The following SCGN variants were observed in gnomAD, a reference collection of about 807,000 sequenced individuals.
SCGN encodes secretagogin, EF-hand calcium binding protein, also known as secretagogin.
A neutral mutation model predicts 39.7 loss-of-function variants in SCGN; 30 were observed. The observed-to-expected ratio is 0.76, with a 90% CI of 0.57 to 1.03. SCGN has a LOEUF of 1.03. Among genes scored for constraint, SCGN ranks in the 50% least tolerant of loss-of-function variants. The pLI is 0.00. For missense variants in SCGN, 353 were observed against 349.4 expected (o/e 1.01, Z -0.08); for synonymous variants, 106 against 114.1 (o/e 0.93, Z 0.45).
chr6:25,673,594 G>A (rs1163359208), intron 6 of SCGN, among the ~76,000 whole-genome samples: 1 of 152,190 alleles, frequency 6.6e-6, no homozygotes, highest in Admixed American at 6.5e-5. Context: ...CAATGTTTAA[G>A]TATCTAGGTT....
chr6:25,686,066 T>C (rs904289346), intron 7 of SCGN, among the ~76,000 whole-genome samples: 1 of 152,232 alleles, frequency 6.6e-6, no homozygotes, highest in South Asian at 2.1e-4. Flanking sequence ...GTTGTAACTT[T>C]ATCCCTTTTT....
intron 6 of SCGN, among the ~76,000 whole-genome samples, chr6:25,675,849 G>A (rs1759557331): frequency 6.6e-6 from 1 of 152,158 alleles, no homozygotes; most frequent in Non-Finnish European, 1.5e-5. Context: ...ATCTCAACTA[G>A]TCTCACGGTT....
rs750339630 is a variant in SCGN, at chr6:25,661,637, T to C, written c.239T>C (p.Met80Thr). 6 of 1,609,486 alleles carry C rather than the reference T, an allele frequency of 3.7e-6. No individual in the cohort carries two copies. In the South Asian group the frequency reaches 6.6e-5, roughly 18 times the overall value. Residue 80 changes from methionine (M) to threonine (T), a missense_variant, in exon 3 of 11, where the codon ATG (methionine) becomes ACG (threonine). By Grantham distance (81) the Met-to-Thr change is moderately conservative. Transcript: ENST00000377961. Reference protein sequence around the residue: ...QDASKDGRIRMKELAGMFLSE... With the variant: ...QDASKDGRIRTKELAGMFLSE... ...GCCTCTAAAGATGGTCGCATTCGGA[T>C]GAAAGAGGTAACTTTACTGACAGTA...
At chr6:25,658,142 C>G (rs1227272529) in intron 2 of SCGN, among the ~76,000 whole-genome samples, 4 of 147,046 alleles carry the variant, frequency 2.7e-5, no homozygotes, top group African/African-American at 1.0e-4. Context: ...CGGGTTCAAG[C>G]TATTCTCCTG....
Position 25,669,537 on chromosome 6 carries a change from C to T in SCGN, c.363C>T (p.Ser121=). The stretch of plus-strand genomic sequence containing the variant: ...TTTGGCGCAAATATGACGCTGACAG[C>T]AGTGGCTTTATATCAGCTGCTGAGC... ...MQIWRKYDAD[S]SGFISAAELR... The change falls in exon 5 of 11, where the codon AGC becomes AGT. Residue 121 remains serine (S), a synonymous_variant. Transcript: ENST00000377961. 3 of 1,613,604 alleles carry T rather than the reference C, an allele frequency of 1.9e-6. No homozygotes were observed. Among genetic ancestry groups the T allele is most frequent in the Non-Finnish European group, 1.7e-6 (2 of 1,179,566 alleles).
At chr6:25,691,184 T>C in intron 10 of SCGN, 60 bp downstream of exon 10, 3 of 1,268,958 alleles carry the variant, frequency 2.4e-6, no homozygotes, top group Non-Finnish European at 3.4e-6. Context: ...TTCCATTGTT[T>C]ATTTGTGGGA....
At chr6:25,667,580 A>C (rs1441754488) in intron 4 of SCGN, among the ~76,000 whole-genome samples, 2 of 152,150 alleles carry the variant, frequency 1.3e-5, no homozygotes, top group African/African-American at 4.8e-5. Flanking sequence ...TGCAGTCAAG[A>C]TTTGTTTCAA....
chr6:25,658,484 C>T (rs1760267570), intron 2 of SCGN, among the ~76,000 whole-genome samples: 1 of 152,068 alleles, frequency 6.6e-6, no homozygotes, highest in Non-Finnish European at 1.5e-5. Flanking sequence ...AGGACCAAAG[C>T]CAGAGGTATA....
Position 25,701,200 on chromosome 6 carries a change from C to T in SCGN, c.703-7C>T. ...GCCTGTTAACATGTTACTTTTGTCG[C>T]CCTCAGCCCAGCATCAGCGGGGTGG... is the stretch of plus-strand genomic sequence containing the variant. On this transcript the variant is annotated splice_polypyrimidine_tract_variant and splice_region_variant and intron_variant, in intron 10 of 10. Transcript: ENST00000377961. The T allele has an allele frequency of 1.2e-6, 2 of 1,606,668 alleles. No individual in the cohort carries two copies. Among genetic ancestry groups the T allele is most frequent in the Non-Finnish European group, 1.7e-6 (2 of 1,176,726 alleles).
intron 4 of SCGN, among the ~76,000 whole-genome samples, chr6:25,667,306 T>C (rs1760439587): frequency 6.6e-6 from 1 of 152,194 alleles, no homozygotes; most frequent in African/African-American, 2.4e-5. Flanking sequence ...TTGTAGTTTG[T>C]CAATTTTATC....
intron 6 of SCGN, among the ~76,000 whole-genome samples, chr6:25,677,387 A>G (rs1759577920): frequency 6.6e-6 from 1 of 152,198 alleles, no homozygotes; most frequent in Non-Finnish European, 1.5e-5. Flanking sequence ...GGGATATCTC[A>G]TAGTGTGCAG....
At chr6:25,682,733 A>C (rs1212473079) in intron 7 of SCGN, among the ~76,000 whole-genome samples, 1 of 152,208 alleles carries the variant, frequency 6.6e-6, no homozygotes, top group African/African-American at 2.4e-5. Context: ...GGTAATTGTA[A>C]GCAGGGCAGC....
chr6:25,662,992 T>C (rs984256323), intron 3 of SCGN, among the ~76,000 whole-genome samples: 1 of 152,358 alleles, frequency 6.6e-6, no homozygotes, highest in Admixed American at 6.5e-5. Context: ...TATGTCATTA[T>C]CTTACTAACA....
intron 6 of SCGN, among the ~76,000 whole-genome samples, chr6:25,679,644 GA>G (rs1021304549): frequency 6.6e-5 from 10 of 152,174 alleles, no homozygotes; most frequent in African/African-American, 2.2e-4. Context: ...CAAGGGTAGG[GA>G]AAATAGATAG....
At chr6:25,659,952 AC>A (rs1318579665) in intron 2 of SCGN, among the ~76,000 whole-genome samples, 1 of 152,200 alleles carries the variant, frequency 6.6e-6, no homozygotes, top group Non-Finnish European at 1.5e-5. Context: ...TACAAAAAAA[AC>A]AGAAACATTT....
At chr6:25,665,907 C>G (rs1489868868) in intron 4 of SCGN, among the ~76,000 whole-genome samples, 1 of 152,046 alleles carries the variant, frequency 6.6e-6, no homozygotes, top group African/African-American at 2.4e-5. Context: ...CAAGGAAGCC[C>G]AGAGATTGTC....
At chr6:25,664,901 A>T in intron 3 of SCGN, 42 bp from the exon 4 acceptor site, 1 of 1,407,660 alleles carries the variant, frequency 7.1e-7, no homozygotes, top group Non-Finnish European at 1.0e-6. Flanking sequence ...TGAAATGGAC[A>T]CTGGCCAGTG....
At chr6:25,688,449 T>C (rs1759732268) in intron 7 of SCGN, among the ~76,000 whole-genome samples, 1 of 152,182 alleles carries the variant, frequency 6.6e-6, no homozygotes, top group Non-Finnish European at 1.5e-5. Flanking sequence ...GCTAACGGGC[T>C]CTGTGTATGT....
chr6:25,657,522 A>G (rs1760248575), intron 2 of SCGN, among the ~76,000 whole-genome samples: 1 of 152,062 alleles, frequency 6.6e-6, no homozygotes, highest in Admixed American at 6.6e-5. Context: ...ATGCTGACGC[A>G]ATATCTTCTT....
Sources: gnomAD v4.1 joint callset for allele counts (sites outside exome capture counted in the v4.1 genomes callset) on GRCh38, gnomAD v4.1.1 for gene constraint, MANE v1.5 for transcripts, NCBI Gene and HGNC (gene_info 2026-07-23, HGNC 2026-07-21) for gene names.